CDH3: variants seen among roughly 807,000 people sequenced by gnomAD.
The protein encoded by CDH3 is cadherin-3.
Under a neutral mutation model 82.0 loss-of-function variants are expected in CDH3, and 54 were observed. That is an observed-to-expected ratio of 0.66 (90% CI 0.53 to 0.83). CDH3 has a LOEUF of 0.83. Among genes scored for constraint, CDH3 ranks in the 40% least tolerant of loss-of-function variants. The probability of loss-of-function intolerance (pLI) is 0.00; values close to 1 mark genes in which losing one functional copy is unlikely to be tolerated. For missense variants in CDH3, 1,054 were observed against 1,084.6 expected (o/e 0.97, Z 0.40); for synonymous variants, 446 against 437.9 (o/e 1.02, Z -0.23).
At position 68,683,622 on chromosome 16, in the gene CDH3, A is replaced by T. The variant is rs374938545; in HGVS notation, c.1183-961A>T. On this transcript the variant is annotated intron_variant, in intron 9 of 15. Coordinates refer to ENST00000264012, the MANE Select transcript of CDH3 (RefSeq NM_001793.6). ...AGCCGAGATCGCACCACTGGACTCC[A>T]GCCTGGGTGACAGAGCAAGACTCTG... 2.2e-5 allele frequency among the ~76,000 whole-genome samples: 3 copies of T among 137,054 alleles called. No homozygotes were observed. The East Asian group carries it at 6.9e-4, about 32-fold the overall frequency. 89.9% of individuals were successfully genotyped at this position (137,054 alleles called of 152,430 possible). A position where few individuals can be genotyped will look rare whatever the true frequency, so the allele number is the denominator to read the frequency against.
chr16:68,645,546 C>T (rs956950861), intron 1 of CDH3, 90 bp from the exon 2 acceptor site: 21 of 1,453,362 alleles, frequency 1.4e-5, no homozygotes, highest in Non-Finnish European at 1.4e-5. Flanking sequence ...AAGGGAGTCC[C>T]GGAAGGCCCG....
intron 2 of CDH3, among the ~76,000 whole-genome samples, chr16:68,654,078 G>C (rs79230823): frequency 1.2e-5 from 1 of 82,916 alleles, no homozygotes; most frequent in African/African-American, 5.1e-5. Context: ...TTTTTTTTTT[G>C]AGATGGAGTC....
intron 13 of CDH3, among the ~76,000 whole-genome samples, chr16:68,694,802 C>T (rs954652906): frequency 6.6e-6 from 1 of 152,054 alleles, no homozygotes; most frequent in African/African-American, 2.4e-5. Context: ...GACATCCCGA[C>T]GAAAGGTTTT....
downstream of CDH3, among the ~76,000 whole-genome samples, chr16:68,731,047 A>ATACATATATAT (rs1262844091): frequency 1.1e-4 from 3 of 26,352 alleles, no homozygotes; most frequent in African/African-American, 4.3e-4. Context: ...AAAAAAAAAA[A>ATACATATATAT]ATATATATAT....
chr16:68,700,631 C>T (rs968982127), downstream of CDH3, among the ~76,000 whole-genome samples: 2 of 152,236 alleles, frequency 1.3e-5, no homozygotes, highest in Non-Finnish European at 2.9e-5. Context: ...CCGCCCGCCT[C>T]GGCCTCCCAA....
downstream of CDH3, among the ~76,000 whole-genome samples, chr16:68,730,491 A>G (rs1962272128): frequency 6.6e-6 from 1 of 151,850 alleles, no homozygotes; most frequent in Admixed American, 6.6e-5. Context: ...ACGTCATTGC[A>G]CCCAGCCTGG....
At chr16:68,687,407 A>G (rs1199173065) in intron 11 of CDH3, 105 bp from the exon 12 acceptor site, 10 of 815,282 alleles carry the variant, frequency 1.2e-5, no homozygotes, top group African/African-American at 3.3e-5. Context: ...AAGCAAGGGC[A>G]TGGAAGGTCT....
Position 68,676,483 on chromosome 16 carries a change from G to T in CDH3, c.246+13G>T. 1.3e-6 allele frequency: 2 copies of T among 1,591,730 alleles called. No homozygotes were observed. The highest frequency in any genetic ancestry group is 1.7e-6 in the Non-Finnish European group (2 of 1,159,512). ...CGAGACAGTCCAGGTAAAATACCAT[G>T]TCCACCTGCAGGACAAAAGAAAGAT... On this transcript the variant is annotated intron_variant, in intron 3 of 15. Coordinates refer to ENST00000264012, the MANE Select transcript of CDH3 (RefSeq NM_001793.6).
chr16:68,727,252 C>T (rs1051086734), exon 3 of CDH3, among the ~76,000 whole-genome samples: 13 of 152,328 alleles, frequency 8.5e-5, no homozygotes, highest in African/African-American at 3.1e-4. Flanking sequence ...TGTTCTCAGG[C>T]CTTCAGCCTG....
intron 1 of CDH3, among the ~76,000 whole-genome samples, chr16:68,719,033 A>G (rs543445605): frequency 1.3e-5 from 2 of 152,238 alleles, no homozygotes; most frequent in Admixed American, 1.3e-4. Context: ...ACCTGAGGTC[A>G]GCAGTTCAAG....
intron 2 of CDH3, among the ~76,000 whole-genome samples, chr16:68,656,574 A>G (rs1379920447): frequency 1.3e-5 from 2 of 152,226 alleles, no homozygotes; most frequent in Non-Finnish European, 1.5e-5. Context: ...TTAACTGGAT[A>G]GGAAACCTCG....
At chr16:68,667,404 A>T (rs1960762295) in intron 2 of CDH3, among the ~76,000 whole-genome samples, 1 of 152,186 alleles carries the variant, frequency 6.6e-6, no homozygotes, top group South Asian at 2.1e-4. Flanking sequence ...TCCTCTAGTC[A>T]AAATACCCAG....
At chr16:68,708,537 G>A (rs1961991299) in intron 1 of CDH3, among the ~76,000 whole-genome samples, 1 of 152,094 alleles carries the variant, frequency 6.6e-6, no homozygotes, top group Non-Finnish European at 1.5e-5. Flanking sequence ...TGTCAGAGAT[G>A]CCAGCCCTGA....
chr16:68,650,003 C>T (rs1445494847), intron 2 of CDH3, among the ~76,000 whole-genome samples: 3 of 151,928 alleles, frequency 2.0e-5, no homozygotes, highest in Non-Finnish European at 4.4e-5. Flanking sequence ...CACTGTACTC[C>T]AGCCTGGGCA....
rs1026638789 is a variant in CDH3, at chr16:68,656,143, C to T, written c.160+10393C>T. Among the ~76,000 whole-genome samples the T allele has an allele frequency of 3.9e-5, 6 of 152,082 alleles. No homozygotes were observed. The East Asian group carries it at 5.8e-4, about 15-fold the overall frequency. ...GTGAGGCATAGGCAGGGTCCAGCCC[C>T]GCTTGAAATTTGTCTCACCCCATAA... On this transcript the variant is annotated intron_variant, in intron 2 of 15. Transcript: ENST00000264012.
intron 1 of CDH3, among the ~76,000 whole-genome samples, chr16:68,717,571 G>A (rs1399318527): frequency 2.6e-5 from 4 of 152,050 alleles, no homozygotes; most frequent in Admixed American, 6.6e-5. Flanking sequence ...TCAGGAGTTC[G>A]AGACCAGCCT....
chr16:68,694,266 TCCTGACAC>T (rs1961647913), intron 13 of CDH3, among the ~76,000 whole-genome samples: 1 of 132,574 alleles, frequency 7.5e-6, no homozygotes, highest in South Asian at 2.4e-4. Context: ...TGAGCCAAGA[TCCTGACAC>T]TGCACTCCAG....
chr16:68,696,510 G>A (rs1318451937), intron 15 of CDH3: 1 of 184,986 alleles, frequency 5.4e-6, no homozygotes, highest in Non-Finnish European at 1.1e-5. Context: ...CAGATCACTT[G>A]ACGTCAGGAG....
chr16:68,719,742 G>A (rs988558316), intron 1 of CDH3, among the ~76,000 whole-genome samples: 2 of 151,850 alleles, frequency 1.3e-5, no homozygotes, highest in East Asian at 1.9e-4. Flanking sequence ...CTCGTGATCC[G>A]CCCATCTTGG....
Sources: gnomAD v4.1 joint callset for allele counts (sites outside exome capture counted in the v4.1 genomes callset) on GRCh38, gnomAD v4.1.1 for gene constraint, MANE v1.5 for transcripts, NCBI Gene and HGNC (gene_info 2026-07-23, HGNC 2026-07-21) for gene names.